Variants in GNB5 observed in about 807,000 individuals in gnomAD.
The protein encoded by GNB5 is G protein subunit beta 5.
GNB5 carries 37 observed loss-of-function variants against 55.3 expected under a neutral mutation model. The ratio of observed to expected loss-of-function variants is 0.67; its 90% CI spans 0.51 to 0.88. The LOEUF is 0.88. Among genes scored for constraint, GNB5 ranks in the 40% least tolerant of loss-of-function variants. The pLI is 0.00. For synonymous variants in GNB5, 219 were observed against 198.5 expected (o/e 1.10, Z -0.87); for missense variants, 476 against 515.3 (o/e 0.92, Z 0.74).
chr15:52,164,820 G>A (rs1160959790), intron 3 of GNB5, among the ~76,000 whole-genome samples: 2 of 152,016 alleles, frequency 1.3e-5, no homozygotes, highest in Non-Finnish European at 2.9e-5. Context: ...CGTGATCACA[G>A]CATCTCTATA....
chr15:52,154,072 G>C lies in GNB5; in HGVS notation c.243C>G (p.His81Gln), dbSNP rs2034157526. The change falls in exon 4 of 13, where the codon CAC becomes CAG. Residue 81 changes from histidine to glutamine, a missense_variant. Physicochemically the swap from His to Gln is conservative, Grantham distance 24 (BLOSUM62 0). Coordinates refer to ENST00000261837, the MANE Select transcript of GNB5 (RefSeq NM_016194.4). The part of the protein sequence containing the change: ...ERAKLHDVEL[H>Q]QVAERVEALG... ...GGGCCTCCACCCGCTCCGCCACCTG[G>C]TGCACTGGAATGACAAGGCCATAGT... The C allele has an allele frequency of 6.2e-7, 1 of 1,613,712 alleles. No individual in the cohort carries two copies. Among genetic ancestry groups the C allele is most frequent in the Non-Finnish European group, 8.5e-7 (1 of 1,179,800 alleles).
At chr15:52,166,810 G>T (rs2034460028) in intron 3 of GNB5, among the ~76,000 whole-genome samples, 1 of 152,068 alleles carries the variant, frequency 6.6e-6, no homozygotes, top group Non-Finnish European at 1.5e-5. Flanking sequence ...AAAGCTAGCA[G>T]AAGACAAGAA....
chr15:52,162,508 T>C (rs995639481), intron 3 of GNB5, among the ~76,000 whole-genome samples: 2 of 152,066 alleles, frequency 1.3e-5, no homozygotes, highest in African/African-American at 4.8e-5. Flanking sequence ...TGAAAATAAA[T>C]ACTCTGAAAC....
rs1441640928 is a variant in GNB5, at chr15:52,121,606, T to A, written c.*1151A>T. 1 of 140,330 alleles carries A rather than the reference T, an allele frequency of 7.1e-6. No individual in the cohort carries two copies. Among genetic ancestry groups the A allele is most frequent in the African/African-American group, 2.8e-5 (1 of 35,392 alleles). The allele number at this position is 140,330 out of a possible 1,614,324, so 8.7% of individuals were successfully genotyped here. ...ATAATTGCAATGCAATACATATGAATATAATTTTTTTTTTTTTTTGAGACG... is the reference window on the plus strand; with the variant it reads ...ATAATTGCAATGCAATACATATGAAAATAATTTTTTTTTTTTTTTGAGACG... On this transcript the variant is annotated 3_prime_UTR_variant, in exon 13 of 13. Transcript: ENST00000261837.
chr15:52,157,856 C>A (rs546420069), intron 3 of GNB5, among the ~76,000 whole-genome samples: 1 of 151,574 alleles, frequency 6.6e-6, no homozygotes, highest in East Asian at 1.9e-4. Context: ...ATTTTGCATC[C>A]ACTGAATTAA....
intron 3 of GNB5, among the ~76,000 whole-genome samples, chr15:52,174,003 T>G (rs942537513): frequency 7.9e-5 from 12 of 152,084 alleles, no homozygotes; most frequent in African/African-American, 2.9e-4. Flanking sequence ...AAGTTAAGGA[T>G]CTTGAGATGG....
intron 3 of GNB5, among the ~76,000 whole-genome samples, chr15:52,177,782 A>G (rs1389754621): frequency 6.6e-6 from 1 of 150,746 alleles, no homozygotes; most frequent in African/African-American, 2.4e-5. Context: ...TATGCGGGGT[A>G]GAAGAGAAGT....
chr15:52,139,661 A>C (rs889759368), intron 7 of GNB5: 2 of 398,192 alleles, frequency 5.0e-6, no homozygotes, highest in Non-Finnish European at 8.5e-6. Flanking sequence ...CAGCTAGAAC[A>C]CAGCGGAGCC....
intron 6 of GNB5, 85 bp from the exon 7 acceptor site, chr15:52,141,357 C>G (rs2033849536): frequency 3.4e-6 from 4 of 1,165,820 alleles, no homozygotes; most frequent in Non-Finnish European, 3.8e-6. Flanking sequence ...AACTTTTCAA[C>G]ATATTCTCTT....
At position 52,185,722 on chromosome 15, in the gene GNB5, T is replaced by A. The variant is rs1053213503; in HGVS notation, c.-18-1028A>T. 3.3e-5 allele frequency among the ~76,000 whole-genome samples: 5 copies of A among 150,502 alleles called. 1 individual carries two copies. The highest frequency in any genetic ancestry group is 4.2e-4 in the South Asian group (2 of 4,774). On this transcript the variant is annotated intron_variant, in intron 1 of 12. Coordinates refer to ENST00000261837, the MANE Select transcript of GNB5 (RefSeq NM_016194.4). Reference sequence around the variant, plus strand: ...TGAAAATGAGACAGCAATAACGTTCTAGTCCCCACTTTGAGCTGTGTATTC... The same window carrying A: ...TGAAAATGAGACAGCAATAACGTTCAAGTCCCCACTTTGAGCTGTGTATTC...
intron 3 of GNB5, among the ~76,000 whole-genome samples, chr15:52,176,984 A>C (rs12593936): frequency 0.18 from 27,130 of 149,288 alleles, 2,711 homozygotes; most frequent in Admixed American, 0.26. Flanking sequence ...GATACATCAG[A>C]TACACCAAAC....
At position 52,141,446 on chromosome 15, in the gene GNB5, T is replaced by TA. The variant is rs558962633; in HGVS notation, c.495-175dup. 7.9e-5 allele frequency among the ~76,000 whole-genome samples: 12 copies of TA among 151,598 alleles called. No homozygotes were observed. In the South Asian group the frequency reaches 1.7e-3, roughly 21 times the overall value. On this transcript the variant is annotated intron_variant, in intron 6 of 12. Coordinates refer to ENST00000261837, the MANE Select transcript of GNB5 (RefSeq NM_016194.4). ...TTTTCTTTCTTTCTTTTTTTTTTTT[T>TA]AAATAGAGACAGGGTCTTGCTCTGT...
At chr15:52,134,378 C>T (rs1167984316) in intron 8 of GNB5, among the ~76,000 whole-genome samples, 1 of 152,190 alleles carries the variant, frequency 6.6e-6, no homozygotes. Context: ...GAAGCACCAT[C>T]ACACATCTGA....
rs1389888703 is a variant in GNB5, at chr15:52,115,412, TCAATCTCC to T, written c.*7337_*7344del. ...GGCAAGTTATTCAACTCTCCTAACC[TCAATCTCC>T]CCATCTAAAAATGGGGCATCACGGG... On this transcript the variant is annotated 3_prime_UTR_variant, in exon 13 of 13. Transcript: ENST00000261837. 6.6e-6 allele frequency: 1 copy of T among 152,128 alleles called. No individual in the cohort carries two copies. The highest frequency in any genetic ancestry group is 1.5e-5 in the Non-Finnish European group (1 of 68,024). 9.4% of individuals were successfully genotyped at this position (152,128 alleles called of 1,614,324 possible).
intron 2 of GNB5, among the ~76,000 whole-genome samples, chr15:52,181,858 AATAT>A (rs2034776647): frequency 6.6e-6 from 1 of 151,980 alleles, no homozygotes. Context: ...AAATATATAA[AATAT>A]ATAAATCTGT....
chr15:52,133,571 CA>C, intron 8 of GNB5, 102 bp from the exon 9 acceptor site: 1 of 761,900 alleles, frequency 1.3e-6, no homozygotes, highest in Non-Finnish European at 2.3e-6. Flanking sequence ...TTCCCATTAG[CA>C]AATGGTTGAC....
chr15:52,139,447 C>A (rs11856224), intron 7 of GNB5, among the ~76,000 whole-genome samples: 26,489 of 151,998 alleles, frequency 0.17, 3,104 homozygotes, highest in Non-Finnish European at 0.26. Flanking sequence ...TAGAGTGAGA[C>A]CCTGTCTCAA....
chr15:52,161,079 G>A (rs1439847750), intron 3 of GNB5, among the ~76,000 whole-genome samples: 1 of 152,190 alleles, frequency 6.6e-6, no homozygotes. Context: ...ACAGCCTGAG[G>A]ACAAAGGCTT....
Position 52,117,102 on chromosome 15 carries a change from A to ATATATATTTTTTTTTTTTTTTT in GNB5, c.*5654_*5655insAAAAAAAAAAAAAAAATATATA. ...CCACGCCCAGCTAATATATATATAT[A>ATATATATTTTTTTTTTTTTTTT]TTTTTTTTTAGTACAGACAGGGTTT... On this transcript the variant is annotated 3_prime_UTR_variant, in exon 13 of 13. Coordinates refer to ENST00000261837, the MANE Select transcript of GNB5 (RefSeq NM_016194.4). 7 of 87,102 alleles carry ATATATATTTTTTTTTTTTTTTT rather than the reference A, an allele frequency of 8.0e-5. No individual in the cohort carries two copies. The highest frequency in any genetic ancestry group is 4.3e-4 in the African/African-American group (7 of 16,420). The allele number at this position is 87,102 out of a possible 1,614,324, so 5.4% of individuals were successfully genotyped here.
Sources: gnomAD v4.1 joint callset for allele counts (sites outside exome capture counted in the v4.1 genomes callset) on GRCh38, gnomAD v4.1.1 for gene constraint, MANE v1.5 for transcripts, NCBI Gene and HGNC (gene_info 2026-07-23, HGNC 2026-07-21) for gene names.